Variants in ZBTB20 observed in about 807,000 individuals in gnomAD.
ZBTB20 encodes the protein zinc finger and BTB domain containing 20, also known as zinc finger and BTB domain-containing protein 20.
ZBTB20 carries 9 observed loss-of-function variants against 56.9 expected under a neutral mutation model. The observed-to-expected ratio is 0.16, with a 90% CI of 0.10 to 0.28. The LOEUF is 0.28. Among genes scored for constraint, ZBTB20 ranks in the 10% least tolerant of loss-of-function variants. The pLI is 1.00. For missense variants in ZBTB20, 655 were observed against 1,003.0 expected (o/e 0.65, Z 4.69); for synonymous variants, 417 against 420.7 (o/e 0.99, Z 0.11).
At chr3:114,549,646 T>C (rs1463574808) in intron 6 of ZBTB20, among the ~76,000 whole-genome samples, 1 of 152,208 alleles carries the variant, frequency 6.6e-6, no homozygotes. Context: ...ACTACTGTCC[T>C]TTGAGCCTCT....
chr3:115,116,282 T>G (rs1408000889), intron 1 of ZBTB20, among the ~76,000 whole-genome samples: 1 of 152,062 alleles, frequency 6.6e-6, no homozygotes, highest in East Asian at 1.9e-4. Flanking sequence ...CTGGGCATAT[T>G]AACTGCTGGT....
At chr3:115,051,379 T>A (rs1222077131) in intron 2 of ZBTB20, among the ~76,000 whole-genome samples, 1 of 152,116 alleles carries the variant, frequency 6.6e-6, no homozygotes, top group Non-Finnish European at 1.5e-5. Context: ...AAAATTGACA[T>A]GCTTAAGAAG....
intron 10 of ZBTB20, chr3:114,366,704 A>C (rs1298335474): frequency 6.6e-6 from 1 of 152,270 alleles, no homozygotes; most frequent in Non-Finnish European, 1.5e-5. Context: ...AGTGAGAAGC[A>C]AAAGTGCTCA....
At chr3:114,936,526 G>T (rs997931417) in intron 3 of ZBTB20, among the ~76,000 whole-genome samples, 46 of 151,950 alleles carry the variant, frequency 3.0e-4, no homozygotes, top group African/African-American at 1.1e-3. Flanking sequence ...GGTCAAAAAT[G>T]CCACAAAAAG....
intron 6 of ZBTB20, among the ~76,000 whole-genome samples, chr3:114,544,968 G>T (rs919222902): frequency 2.0e-5 from 3 of 152,198 alleles, no homozygotes; most frequent in Non-Finnish European, 4.4e-5. Context: ...CCTATTTCAT[G>T]TGGTTATCAT....
At chr3:114,514,992 G>A (rs1387572579) in intron 6 of ZBTB20, among the ~76,000 whole-genome samples, 3 of 152,166 alleles carry the variant, frequency 2.0e-5, no homozygotes, top group African/African-American at 7.2e-5. Context: ...TTAGCATTCT[G>A]TGATAATGGT....
chr3:115,138,178 T>C (rs947663611), intron 1 of ZBTB20, among the ~76,000 whole-genome samples: 4 of 152,042 alleles, frequency 2.6e-5, no homozygotes, highest in Admixed American at 2.6e-4. Context: ...TTTGATTTAG[T>C]TTTCCTTTTT....
At chr3:114,426,359 A>G (rs2089668578) in intron 7 of ZBTB20, among the ~76,000 whole-genome samples, 1 of 60,520 alleles carries the variant, frequency 1.7e-5, no homozygotes, top group Admixed American at 2.0e-4. Flanking sequence ...AAAAAAAAAA[A>G]AAAAAAAAAA....
At chr3:114,829,312 T>C (rs2073715183) in intron 4 of ZBTB20, among the ~76,000 whole-genome samples, 2 of 151,876 alleles carry the variant, frequency 1.3e-5, no homozygotes, top group Non-Finnish European at 1.5e-5. Context: ...ATAATTATTT[T>C]AGTCTCAGAT....
chr3:114,950,718 T>C (rs1054839649), intron 3 of ZBTB20, among the ~76,000 whole-genome samples: 6 of 152,152 alleles, frequency 3.9e-5, no homozygotes, highest in African/African-American at 1.4e-4. Context: ...TAGTAGAATA[T>C]GCATGTGGCC....
chr3:114,999,579 T>C (rs2079166423), intron 2 of ZBTB20, among the ~76,000 whole-genome samples: 1 of 151,680 alleles, frequency 6.6e-6, no homozygotes. Flanking sequence ...ATACCAATAT[T>C]TTTTCTAAAA....
At chr3:114,342,617 T>C (rs887302096) in intron 11 of ZBTB20, among the ~76,000 whole-genome samples, 3 of 152,168 alleles carry the variant, frequency 2.0e-5, no homozygotes, top group Non-Finnish European at 4.4e-5. Flanking sequence ...AGTAAGTACC[T>C]GTCTCGTGAA....
intron 4 of ZBTB20, among the ~76,000 whole-genome samples, chr3:114,891,914 G>A (rs2076826272): frequency 6.6e-6 from 1 of 152,026 alleles, no homozygotes; most frequent in African/African-American, 2.4e-5. Flanking sequence ...GGGTGTGGTG[G>A]CGGGCACCTG....
At chr3:115,081,645 G>A (rs1469115934) in intron 1 of ZBTB20, among the ~76,000 whole-genome samples, 3 of 150,450 alleles carry the variant, frequency 2.0e-5, no homozygotes, top group Non-Finnish European at 3.0e-5. Context: ...TGTGGAGAAG[G>A]ACCCCTGGTG....
intron 10 of ZBTB20, among the ~76,000 whole-genome samples, chr3:114,367,425 C>T (rs1188493315): frequency 6.6e-6 from 1 of 152,126 alleles, no homozygotes. Flanking sequence ...ACCACTATGC[C>T]CCGCTAACTG....
chr3:114,441,790 T>C (rs1337343089), intron 7 of ZBTB20, among the ~76,000 whole-genome samples: 1 of 152,090 alleles, frequency 6.6e-6, no homozygotes, highest in East Asian at 1.9e-4. Flanking sequence ...TATTCATAAA[T>C]ATTAGAGATG....
intron 6 of ZBTB20, among the ~76,000 whole-genome samples, chr3:114,532,975 C>T (rs1422071142): frequency 6.6e-6 from 1 of 152,090 alleles, no homozygotes; most frequent in East Asian, 1.9e-4. Context: ...ACACAAAAAC[C>T]CCATCCGAAG....
intron 2 of ZBTB20, among the ~76,000 whole-genome samples, chr3:115,024,500 C>T (rs1560502481): frequency 6.6e-6 from 1 of 151,072 alleles, no homozygotes; most frequent in African/African-American, 2.4e-5. Context: ...TTAAAACTTA[C>T]CTGTTATTGA....
chr3:115,144,795 T>C (rs2084917301), intron 1 of ZBTB20: 1 of 152,240 alleles, frequency 6.6e-6, no homozygotes, highest in South Asian at 2.1e-4. Flanking sequence ...CTTTAGCTTG[T>C]TAAAATTAGG....
Sources: gnomAD v4.1 joint callset for allele counts (sites outside exome capture counted in the v4.1 genomes callset) on GRCh38, gnomAD v4.1.1 for gene constraint, MANE v1.5 for transcripts, NCBI Gene and HGNC (gene_info 2026-07-23, HGNC 2026-07-21) for gene names.